The following PTPRD variants were observed in gnomAD, a reference collection of about 807,000 sequenced individuals.
The protein encoded by PTPRD is protein tyrosine phosphatase receptor type D, also known as receptor-type tyrosine-protein phosphatase delta.
Under a neutral mutation model 214.5 loss-of-function variants are expected in PTPRD, and 34 were observed. That is an observed-to-expected ratio of 0.16 (90% CI 0.12 to 0.21). The LOEUF is 0.21. Among genes scored for constraint, PTPRD ranks in the 10% least tolerant of loss-of-function variants. The pLI, the probability that PTPRD is intolerant of heterozygous loss-of-function variation, is 1.00. For missense variants in PTPRD, 2,545 were observed against 2,398.7 expected (o/e 1.06, Z -1.27); for synonymous variants, 1,128 against 845.7 (o/e 1.33, Z -5.79).
intron 10 of PTPRD, among the ~76,000 whole-genome samples, chr9:9,077,575 T>C (rs1339802892): frequency 2.0e-5 from 3 of 152,076 alleles, no homozygotes; most frequent in African/African-American, 7.2e-5. Flanking sequence ...AAAATTGATG[T>C]GAAGAGCCAG....
intron 10 of PTPRD, among the ~76,000 whole-genome samples, chr9:9,181,657 T>A (rs1462941654): frequency 1.3e-5 from 2 of 152,142 alleles, no homozygotes; most frequent in East Asian, 3.9e-4. Flanking sequence ...TTGCACAGTT[T>A]ACTTAATATC....
At chr9:9,708,520 C>A (rs2097667925) in intron 7 of PTPRD, among the ~76,000 whole-genome samples, 1 of 151,896 alleles carries the variant, frequency 6.6e-6, no homozygotes, top group South Asian at 2.1e-4. Context: ...GTCATTATTC[C>A]TATACTAGTG....
chr9:10,212,365 A>AAT (rs1564560099), intron 3 of PTPRD, among the ~76,000 whole-genome samples: 1 of 152,140 alleles, frequency 6.6e-6, no homozygotes, highest in Non-Finnish European at 1.5e-5. Flanking sequence ...AGTCTTATAT[A>AAT]ATAAGTAAAT....
chr9:9,258,610 A>C (rs2131988560), intron 9 of PTPRD, among the ~76,000 whole-genome samples: 1 of 152,056 alleles, frequency 6.6e-6, no homozygotes, highest in East Asian at 2.0e-4. Context: ...GTCATTAAGT[A>C]TAATTTGGGG....
intron 3 of PTPRD, among the ~76,000 whole-genome samples, chr9:10,080,955 C>G (rs904755215): frequency 6.6e-6 from 1 of 152,006 alleles, no homozygotes; most frequent in African/African-American, 2.4e-5. Context: ...TGCCTACTCT[C>G]AGGAACAATT....
chr9:10,196,574 G>A (rs1317946077), intron 3 of PTPRD, among the ~76,000 whole-genome samples: 1 of 152,178 alleles, frequency 6.6e-6, no homozygotes, highest in Non-Finnish European at 1.5e-5. Context: ...ATAGTAAGGT[G>A]ACAAATTAGT....
chr9:9,499,164 C>T (rs558911911), intron 8 of PTPRD, among the ~76,000 whole-genome samples: 16 of 152,158 alleles, frequency 1.1e-4, no homozygotes, highest in Non-Finnish European at 1.5e-4. Flanking sequence ...AAGATAATCA[C>T]GACATTCAGA....
chr9:10,178,554 G>A (rs1054448939), intron 3 of PTPRD, among the ~76,000 whole-genome samples: 2 of 151,970 alleles, frequency 1.3e-5, no homozygotes, highest in African/African-American at 4.8e-5. Flanking sequence ...GATTTCAACA[G>A]ATGAACAGTA....
At chr9:9,451,603 A>G (rs976369123) in intron 8 of PTPRD, among the ~76,000 whole-genome samples, 6 of 151,676 alleles carry the variant, frequency 4.0e-5, no homozygotes, top group African/African-American at 1.4e-4. Context: ...GCAAGTTGGT[A>G]TGAATGAGAG....
intron 11 of PTPRD, among the ~76,000 whole-genome samples, chr9:8,785,103 AAAC>A (rs1408042388): frequency 6.6e-6 from 1 of 152,318 alleles, no homozygotes; most frequent in African/African-American, 2.4e-5. Context: ...TGTTCAATAG[AAAC>A]AACAAGGCCT....
chr9:9,128,639 G>A (rs771980487), intron 10 of PTPRD, among the ~76,000 whole-genome samples: 1 of 152,172 alleles, frequency 6.6e-6, no homozygotes, highest in Non-Finnish European at 1.5e-5. Context: ...AATATCATAC[G>A]ACTTTTTGAG....
intron 5 of PTPRD, among the ~76,000 whole-genome samples, chr9:9,836,488 C>T (rs2056797410): frequency 1.3e-5 from 2 of 152,132 alleles, no homozygotes; most frequent in East Asian, 3.9e-4. Context: ...CGCCTGACTA[C>T]TACCACTGAT....
intron 8 of PTPRD, among the ~76,000 whole-genome samples, chr9:9,481,247 G>C (rs12115631): frequency 0.2 from 31,116 of 152,020 alleles, 3,760 homozygotes; most frequent in Admixed American, 0.36. Flanking sequence ...ACTTGGTGAG[G>C]TAGAAGCTGG....
intron 2 of PTPRD, among the ~76,000 whole-genome samples, chr9:10,437,599 T>G (rs1292527917): frequency 6.6e-6 from 1 of 151,742 alleles, no homozygotes; most frequent in Non-Finnish European, 1.5e-5. Context: ...GTTATTTCAC[T>G]GAATATTGTC....
intron 10 of PTPRD, among the ~76,000 whole-genome samples, chr9:9,148,564 A>C (rs1054397982): frequency 6.6e-6 from 1 of 152,198 alleles, no homozygotes; most frequent in African/African-American, 2.4e-5. Context: ...CTACTATTGA[A>C]GATGAGACTG....
intron 12 of PTPRD, among the ~76,000 whole-genome samples, chr9:8,643,377 G>A (rs1475788867): frequency 2.0e-5 from 3 of 151,962 alleles, no homozygotes; most frequent in Admixed American, 2.0e-4. Context: ...AAGGAAGGCA[G>A]GAAGAAAGAA....
chr9:8,421,350 TTCTTC>T (rs1564689385), intron 35 of PTPRD, among the ~76,000 whole-genome samples: 1 of 146,952 alleles, frequency 6.8e-6, no homozygotes, highest in Non-Finnish European at 1.5e-5. Context: ...CTTTTCTTTC[TTCTTC>T]TCTCTTCTCT....
At chr9:9,049,744 G>A (rs1004253543) in intron 10 of PTPRD, among the ~76,000 whole-genome samples, 1 of 152,248 alleles carries the variant, frequency 6.6e-6, no homozygotes, top group South Asian at 2.1e-4. Context: ...ATAATACTGA[G>A]TGGCTGCATT....
intron 3 of PTPRD, among the ~76,000 whole-genome samples, chr9:10,190,704 G>A (rs530930103): frequency 1.1e-5 from 1 of 92,104 alleles, no homozygotes; most frequent in Admixed American, 1.6e-4. Flanking sequence ...GGCAACAAGA[G>A]CAAAACTCTG....
Sources: allele counts gnomAD v4.1 joint callset (sites outside exome capture counted in the v4.1 genomes callset), GRCh38; gene constraint gnomAD v4.1.1; transcripts MANE v1.5; gene names NCBI Gene and HGNC (gene_info 2026-07-23, HGNC 2026-07-21).